Variants in BCL11B observed in about 807,000 individuals in gnomAD.
BCL11B encodes B-cell lymphoma/leukemia 11B.
BCL11B carries 8 observed loss-of-function variants against 49.9 expected under a neutral mutation model. That is an observed-to-expected ratio of 0.16 (90% CI 0.09 to 0.29). The LOEUF is 0.29. Among genes scored for constraint, BCL11B ranks in the 10% least tolerant of loss-of-function variants. BCL11B has a pLI of 1.00. For missense variants in BCL11B, 1,006 were observed against 1,351.0 expected, an observed-to-expected ratio of 0.74 and a Z score of 4.00; for synonymous variants, 739 against 637.4, an observed-to-expected ratio of 1.16 and a Z score of -2.40.
Position 99,232,697 on chromosome 14 carries a change from G to A in BCL11B, c.428-1140C>T, listed in dbSNP as rs1204016091. Among the ~76,000 whole-genome samples the A allele has an allele frequency of 3.3e-5, 5 of 152,226 alleles. No homozygotes were observed. Among genetic ancestry groups the A allele is most frequent in the African/African-American group, 1.2e-4 (5 of 41,452 alleles). On this transcript the variant is annotated intron_variant, in intron 2 of 3. Coordinates refer to ENST00000357195, the MANE Select transcript of BCL11B (RefSeq NM_138576.4). The surrounding 1 kb of genome is among the most constrained non-coding windows in gnomAD (Gnocchi z 5.1). ...ACTGAACTTCCTAACACACTGACGG[G>A]AACTGGGGCTTAGAATACCCATTGC...
intron 3 of BCL11B, among the ~76,000 whole-genome samples, chr14:99,183,431 A>G (rs1020634622): frequency 2.0e-5 from 3 of 152,038 alleles, no homozygotes; most frequent in South Asian, 2.1e-4. Context: ...GACTCACGCA[A>G]AGTTGCACTT....
intron 3 of BCL11B, among the ~76,000 whole-genome samples, chr14:99,218,378 CCA>C (rs1887916004): frequency 6.6e-6 from 1 of 151,920 alleles, no homozygotes. Flanking sequence ...CTGCGCCCGG[CCA>C]CAGATTTTTT....
In BCL11B at chr14:99,175,050, C is replaced by T. The variant is rs756720526; in HGVS notation, c.1786G>A (p.Gly596Ser). 7 of 1,598,950 alleles carry T rather than the reference C, an allele frequency of 4.4e-6. No homozygotes were observed. The African/African-American group carries it at 9.4e-5, about 21-fold the overall frequency. The stretch of plus-strand genomic sequence containing the variant: ...AGGCCCACGTTCTCCATGACCTTGC[C>T]CAGCACCAGCGCCTTCTCGTCAGCC... ...ALADEKALVL[G>S]KVMENVGLGA... The change falls in exon 4 of 4, where the codon GGC becomes AGC. Residue 596 changes from glycine to serine, a missense_variant. This residue lies in a region of BCL11B where 443 missense variants were observed against 499.7 expected (regional missense o/e 0.89). Coordinates refer to ENST00000357195, the MANE Select transcript of BCL11B (RefSeq NM_138576.4).
chr14:99,237,544 T>C (rs1215032744), intron 2 of BCL11B, among the ~76,000 whole-genome samples: 1 of 152,156 alleles, frequency 6.6e-6, no homozygotes, highest in African/African-American at 2.4e-5. Flanking sequence ...CACTCCTGGA[T>C]TCTCATTCTC....
chr14:99,254,407 C>T (rs1437839562), intron 2 of BCL11B, among the ~76,000 whole-genome samples: 1 of 152,182 alleles, frequency 6.6e-6, no homozygotes, highest in African/African-American at 2.4e-5. Context: ...TGGGAGGAAC[C>T]CCCTTCGGGT....
rs1943515376 is a variant in BCL11B, at chr14:99,195,921, G to A, written c.641-19726C>T. ...CCGCCCCTTGTGTCTGCGCGGCACA[G>A]TGAGAACTGACATTTCTTCCTAGAT... On this transcript the variant is annotated intron_variant, in intron 3 of 3. Coordinates refer to ENST00000357195, the MANE Select transcript of BCL11B (RefSeq NM_138576.4). The surrounding 1 kb of genome is among the most constrained non-coding windows in gnomAD (Gnocchi z 4.7). 1.3e-5 allele frequency among the ~76,000 whole-genome samples: 2 copies of A among 152,162 alleles called. No individual in the cohort carries two copies. Among genetic ancestry groups the A allele is most frequent in the Non-Finnish European group, 2.9e-5 (2 of 68,032 alleles).
At chr14:99,202,915 C>A (rs1887428259) in intron 3 of BCL11B, among the ~76,000 whole-genome samples, 1 of 152,212 alleles carries the variant, frequency 6.6e-6, no homozygotes, top group Non-Finnish European at 1.5e-5. Flanking sequence ...CTAATTCAAA[C>A]CCCCGCCAAG....
At chr14:99,220,614 G>A (rs1013166121) in intron 3 of BCL11B, among the ~76,000 whole-genome samples, 4 of 152,172 alleles carry the variant, frequency 2.6e-5, no homozygotes, top group Admixed American at 6.5e-5. Flanking sequence ...TGGTGCCAGA[G>A]CTCTGTTTGG....
chr14:99,224,943 A>G (rs1371021621), intron 3 of BCL11B, among the ~76,000 whole-genome samples: 10 of 152,148 alleles, frequency 6.6e-5, no homozygotes, highest in Admixed American at 3.9e-4. Context: ...CAGGGCAGCC[A>G]GCTGTCAAAG....
chr14:99,246,564 G>A lies in BCL11B; in HGVS notation c.427+10907C>T, dbSNP rs1294913216. ...GAGGCCCCCGCGCAGTTTTGAAGTT[G>A]CCAAAGTGTCCGCGCCGTGCCGGGT... On this transcript the variant is annotated intron_variant, in intron 2 of 3. Transcript: ENST00000357195. Among the ~76,000 whole-genome samples the A allele has an allele frequency of 2.6e-5, 4 of 152,330 alleles. No homozygotes were observed. In the East Asian group the frequency reaches 7.8e-4, roughly 30 times the overall value.
rs757215814 is a variant in BCL11B, at chr14:99,189,064, C to A, written c.641-12869G>T. Among the ~76,000 whole-genome samples the A allele has an allele frequency of 3.9e-5, 6 of 152,222 alleles. 1 individual carries two copies. The East Asian group carries it at 1.2e-3, about 29-fold the overall frequency. On this transcript the variant is annotated intron_variant, in intron 3 of 3. Coordinates refer to ENST00000357195, the MANE Select transcript of BCL11B (RefSeq NM_138576.4). ...GCTTCCCCGGGGGATTTTGGGCCGA[C>A]GCAGATGGCAAATAAAGTACTCAGC...
At chr14:99,230,872 C>A (rs1487035482) in intron 3 of BCL11B, among the ~76,000 whole-genome samples, 2 of 152,130 alleles carry the variant, frequency 1.3e-5, no homozygotes, top group African/African-American at 4.8e-5. Context: ...TTTTTCAAAG[C>A]TAATGGGCAA....
At chr14:99,237,085 G>A (rs778523836) in intron 2 of BCL11B, among the ~76,000 whole-genome samples, 1 of 151,506 alleles carries the variant, frequency 6.6e-6, no homozygotes, top group Non-Finnish European at 1.5e-5. Context: ...TGTAGAGGGG[G>A]AGTGGCTGAG....
At chr14:99,199,683 T>TGTGTGTGTGTGCGCGCGCGC (rs759599743) in intron 3 of BCL11B, among the ~76,000 whole-genome samples, 13 of 73,740 alleles carry the variant, frequency 1.8e-4, no homozygotes, top group African/African-American at 3.7e-4. Context: ...TGTGTGTGTG[T>TGTGTGTGTGTGCGCGCGCGC]GCGCGCGCGC....
intron 2 of BCL11B, among the ~76,000 whole-genome samples, chr14:99,238,670 C>T (rs1888574944): frequency 6.6e-6 from 1 of 152,170 alleles, no homozygotes; most frequent in Non-Finnish European, 1.5e-5. Context: ...GCAGCTTGGA[C>T]TCTTCTTTTG....
intron 3 of BCL11B, among the ~76,000 whole-genome samples, chr14:99,219,703 C>T (rs953867422): frequency 9.2e-5 from 14 of 151,892 alleles, no homozygotes; most frequent in Admixed American, 6.6e-5. Flanking sequence ...CCTGAAGACA[C>T]AACAGAAAGA....
In BCL11B at chr14:99,169,848, C is replaced by A. The variant is rs575979637; in HGVS notation, c.*4303G>T. The A allele has an allele frequency of 3.5e-5, 8 of 227,974 alleles. No homozygotes were observed. Among genetic ancestry groups the A allele is most frequent in the Non-Finnish European group, 6.1e-5 (7 of 114,438 alleles). The allele number at this position is 227,974 out of a possible 1,614,324, so 14.1% of individuals were successfully genotyped here. A position where few individuals can be genotyped will look rare whatever the true frequency, so the allele number is the denominator to read the frequency against. ...GCTTAGAGTAATTCAGTCTCCTTCT[C>A]TCCCCATGAAAGACCCTCTAATGCC... On this transcript the variant is annotated 3_prime_UTR_variant, in exon 4 of 4. Transcript: ENST00000357195.
At chr14:99,226,355 CT>C (rs1168631450) in intron 3 of BCL11B, among the ~76,000 whole-genome samples, 1 of 152,094 alleles carries the variant, frequency 6.6e-6, no homozygotes, top group Non-Finnish European at 1.5e-5. Context: ...TCACACGGTT[CT>C]TTTTTTGTCT....
chr14:99,254,488 G>T (rs1449112636), intron 2 of BCL11B, among the ~76,000 whole-genome samples: 1 of 152,136 alleles, frequency 6.6e-6, no homozygotes, highest in African/African-American at 2.4e-5. Flanking sequence ...TGGGTATCAG[G>T]AAGGTTGCTG....
Sources: allele counts gnomAD v4.1 joint callset (sites outside exome capture counted in the v4.1 genomes callset), GRCh38; gene constraint gnomAD v4.1.1; regional missense constraint gnomAD v4.1.1; non-coding constraint Gnocchi (gnomAD v3.1); transcripts MANE v1.5; gene names NCBI Gene and HGNC (gene_info 2026-07-23, HGNC 2026-07-21).